WAC: variants seen among roughly 807,000 people sequenced by gnomAD.
The protein encoded by WAC is WW domain containing adaptor with coiled-coil.
WAC carries 11 observed loss-of-function variants against 79.6 expected under a neutral mutation model. That is an observed-to-expected ratio of 0.14 (90% CI 0.09 to 0.23). The LOEUF is 0.23. WAC is among the 10% of genes least tolerant of loss of function. The pLI, the probability that WAC is intolerant of heterozygous loss-of-function variation, is 1.00. For missense variants in WAC, 728 were observed against 773.5 expected (o/e 0.94, Z 0.70); for synonymous variants, 304 against 276.9 (o/e 1.10, Z -0.97).
intron 4 of WAC, among the ~76,000 whole-genome samples, chr10:28,584,813 C>G (rs1839730125): frequency 6.6e-6 from 1 of 151,998 alleles, no homozygotes; most frequent in Non-Finnish European, 1.5e-5. Context: ...TACTATTGGC[C>G]AGGCACGGTG....
chr10:28,533,889 G>T, intron 1 of WAC, 109 bp from the exon 2 acceptor site: 2 of 1,373,352 alleles, frequency 1.5e-6, no homozygotes, highest in Non-Finnish European at 2.0e-6. Flanking sequence ...GCGCTGGGGC[G>T]CTCGGTAGGT....
chr10:28,555,642 T>C (rs1837940308), intron 3 of WAC, among the ~76,000 whole-genome samples: 1 of 152,168 alleles, frequency 6.6e-6, no homozygotes, highest in Non-Finnish European at 1.5e-5. Flanking sequence ...CTGCTATGGT[T>C]TGAGTGCGTT....
chr10:28,562,529 C>G (rs1247282828), intron 3 of WAC, among the ~76,000 whole-genome samples: 1 of 152,048 alleles, frequency 6.6e-6, no homozygotes. Context: ...TATGTATTGT[C>G]TTTGCACATA....
intron 4 of WAC, among the ~76,000 whole-genome samples, chr10:28,587,908 T>C (rs576353656): frequency 7.3e-6 from 1 of 137,736 alleles, no homozygotes; most frequent in Non-Finnish European, 1.5e-5. Flanking sequence ...TTAAATAGAA[T>C]GTTTAGTTCA....
At chr10:28,585,558 T>C (rs540707666) in intron 4 of WAC, among the ~76,000 whole-genome samples, 3 of 151,480 alleles carry the variant, frequency 2.0e-5, no homozygotes, top group Non-Finnish European at 2.9e-5. Flanking sequence ...TTTTTTTTTT[T>C]CCAAGTAGGG....
At chr10:28,540,391 G>A (rs1836945295) in intron 3 of WAC, among the ~76,000 whole-genome samples, 1 of 152,110 alleles carries the variant, frequency 6.6e-6, no homozygotes, top group African/African-American at 2.4e-5. Context: ...TAGTTTGAAG[G>A]CATTTTTGCT....
chr10:28,581,553 T>G (rs879526183), intron 3 of WAC, among the ~76,000 whole-genome samples: 2 of 151,982 alleles, frequency 1.3e-5, no homozygotes, highest in Non-Finnish European at 2.9e-5. Context: ...TTTGTTTGTT[T>G]GTTTGTTTGT....
Position 28,616,318 on chromosome 10 carries a change from A to G in WAC, c.1702A>G (p.Ile568Val). The change falls in exon 12 of 14, where the codon ATA (isoleucine) becomes GTA (valine). Residue 568 changes from isoleucine (I) to valine (V), a missense_variant. By Grantham distance (29) the Ile-to-Val change is conservative (BLOSUM62 3). Around this residue, in one of 3 missense-constraint regions of WAC, gnomAD observed 14 missense variants for 33.1 expected, o/e 0.42. Coordinates refer to ENST00000354911, the MANE Select transcript of WAC (RefSeq NM_016628.5). ...AGCAGCACACTTCAGTGAAAATCTCATAAAACACGTTCAAGGATGGCCTGC... is the reference window on the plus strand; with the variant it reads ...AGCAGCACACTTCAGTGAAAATCTCGTAAAACACGTTCAAGGATGGCCTGC... ...ALAAHFSENL[I>V]KHVQGWPADH... 6.2e-7 allele frequency: 1 copy of G among 1,613,258 alleles called. No homozygotes were observed. Among genetic ancestry groups the G allele is most frequent in the Non-Finnish European group, 8.5e-7 (1 of 1,179,430 alleles).
At chr10:28,581,863 G>C (rs1257780934) in intron 3 of WAC, among the ~76,000 whole-genome samples, 1 of 152,082 alleles carries the variant, frequency 6.6e-6, no homozygotes, top group Non-Finnish European at 1.5e-5. Flanking sequence ...TCTTGATTCT[G>C]TTCATTCATA....
chr10:28,614,633 G>A lies in WAC; in HGVS notation c.1504G>A (p.Asp502Asn), dbSNP rs1382760756. Residue 502 changes from aspartate (D) to asparagine (N), a missense_variant, in exon 11 of 14, where the codon GAC (aspartate) becomes AAC (asparagine). Transcript: ENST00000354911. ...QSATQQPVTA[D>N]KQQGHEPVSP... ...AGCCACACAGCAGCCTGTAACTGCTGACAAGCAGCAAGGTCATGAACCTGT... is the reference window on the plus strand; with the variant it reads ...AGCCACACAGCAGCCTGTAACTGCTAACAAGCAGCAAGGTCATGAACCTGT... The A allele has an allele frequency of 6.2e-7, 1 of 1,614,064 alleles. No individual in the cohort carries two copies. The highest frequency in any genetic ancestry group is 8.5e-7 in the Non-Finnish European group (1 of 1,180,024).
chr10:28,608,747 C>T (rs542420110), intron 8 of WAC, among the ~76,000 whole-genome samples: 7 of 152,024 alleles, frequency 4.6e-5, no homozygotes, highest in South Asian at 4.1e-4. Flanking sequence ...TTAAAACAAT[C>T]GAGCGTTTGT....
At chr10:28,600,187 T>C (rs1466523345) in intron 7 of WAC, among the ~76,000 whole-genome samples, 1 of 151,310 alleles carries the variant, frequency 6.6e-6, no homozygotes, top group East Asian at 2.0e-4. Flanking sequence ...TTTAGTAATC[T>C]CAAGCTAGCT....
intron 2 of WAC, 193 bp from the exon 3 acceptor site, chr10:28,535,369 A>T (rs1218968644): frequency 4.8e-6 from 2 of 419,666 alleles, no homozygotes; most frequent in Non-Finnish European, 4.0e-6. Flanking sequence ...TGTTATCAGG[A>T]GTCTTATTGT....
chr10:28,534,170 C>A, intron 2 of WAC, 136 bp downstream of exon 2: 1 of 855,298 alleles, frequency 1.2e-6, no homozygotes, highest in East Asian at 3.1e-5. Context: ...CGCGGATCCC[C>A]TTAAAATTCC....
At chr10:28,558,092 C>T (rs944156473) in intron 3 of WAC, among the ~76,000 whole-genome samples, 2 of 152,028 alleles carry the variant, frequency 1.3e-5, no homozygotes, top group African/African-American at 4.8e-5. Flanking sequence ...AAAGAAAATA[C>T]TCTTAGAGTC....
chr10:28,562,388 C>A lies in WAC; in HGVS notation c.275-21011C>A, dbSNP rs1018715613. Reference sequence around the variant, plus strand: ...TAGTAGATTTTCTATGTGTTTTTTTCCAGTTTCTTAAGAGCAGTGACAATA... The same window carrying A: ...TAGTAGATTTTCTATGTGTTTTTTTACAGTTTCTTAAGAGCAGTGACAATA... On this transcript the variant is annotated intron_variant, in intron 3 of 13. Transcript: ENST00000354911. Among the ~76,000 whole-genome samples the A allele has an allele frequency of 7.2e-5, 11 of 151,792 alleles. 1 individual carries two copies. The highest frequency in any genetic ancestry group is 7.2e-4 in the Admixed American group (11 of 15,236).
intron 3 of WAC, among the ~76,000 whole-genome samples, chr10:28,574,185 C>T (rs555718351): frequency 6.6e-6 from 1 of 151,942 alleles, no homozygotes; most frequent in Non-Finnish European, 1.5e-5. Flanking sequence ...TTTTTTTAGA[C>T]AGTCTTGCTC....
chr10:28,608,324 T>C lies in WAC; in HGVS notation c.1058T>C (p.Ile353Thr), dbSNP rs1841059971. 5.6e-6 allele frequency: 9 copies of C among 1,614,180 alleles called. No homozygotes were observed. Among genetic ancestry groups the C allele is most frequent in the Non-Finnish European group, 7.6e-6 (9 of 1,180,006 alleles). ...VPVSPVPQSP[I>T]PPLLQDPNLL... ...GTTTCTCCTGTTCCACAGTCGCCAA[T>C]ACCTCCCTTACTTCAGGACCCAAAT... is the stretch of plus-strand genomic sequence containing the variant. The change falls in exon 8 of 14, where the codon ATA becomes ACA. Residue 353 changes from isoleucine (I) to threonine (T), a missense_variant. Ile to Thr is a moderately conservative substitution (Grantham distance 89). This residue lies in a region of WAC where 648 missense variants were observed against 661.5 expected (regional missense o/e 0.98). Transcript: ENST00000354911.
chr10:28,602,357 C>G (rs1840685541), intron 7 of WAC, among the ~76,000 whole-genome samples: 1 of 152,122 alleles, frequency 6.6e-6, no homozygotes, highest in Non-Finnish European at 1.5e-5. Context: ...GCATTAAGTT[C>G]TAGAAGGATA....
Sources: gnomAD v4.1 joint callset for allele counts (sites outside exome capture counted in the v4.1 genomes callset) on GRCh38, gnomAD v4.1.1 for gene constraint, gnomAD v4.1.1 regional missense constraint, MANE v1.5 for transcripts, NCBI Gene and HGNC (gene_info 2026-07-23, HGNC 2026-07-21) for gene names.